TLK2: variants seen among roughly 807,000 people sequenced by gnomAD.
The protein encoded by TLK2 is tousled like kinase 2.
A neutral mutation model predicts 117.3 loss-of-function variants in TLK2; 6 were observed. That is an observed-to-expected ratio of 0.05 (90% CI 0.03 to 0.10). TLK2 has a LOEUF of 0.10. TLK2 is among the 10% of genes least tolerant of loss of function. The probability of loss-of-function intolerance (pLI) is 1.00; values close to 1 mark genes in which losing one functional copy is unlikely to be tolerated. For missense variants in TLK2, 299 were observed against 901.2 expected (o/e 0.33, Z 8.56); for synonymous variants, 257 against 316.7 (o/e 0.81, Z 2.00).
intron 5 of TLK2, among the ~76,000 whole-genome samples, chr17:62,523,439 G>A (rs1448480927): frequency 1.3e-5 from 2 of 152,178 alleles, no homozygotes; most frequent in Non-Finnish European, 2.9e-5. Flanking sequence ...AATTAGCCAG[G>A]TGTGGTGGCA....
intron 2 of TLK2, chr17:62,516,212 A>G (rs1405698216): frequency 3.0e-6 from 2 of 671,140 alleles, no homozygotes; most frequent in Admixed American, 2.3e-5. Context: ...GGCATGAGTC[A>G]CCGCGCCCGG....
intron 18 of TLK2, among the ~76,000 whole-genome samples, chr17:62,601,135 A>G (rs879505124): frequency 1.3e-5 from 2 of 152,188 alleles, no homozygotes; most frequent in Admixed American, 6.5e-5. Flanking sequence ...CTCCTACTAC[A>G]TAACAGTCCC....
At chr17:62,571,081 A>G (rs564576532) in intron 11 of TLK2, among the ~76,000 whole-genome samples, 1 of 152,292 alleles carries the variant, frequency 6.6e-6, no homozygotes, top group Non-Finnish European at 1.5e-5. Flanking sequence ...CAGTTAAGGT[A>G]AATGTTTTCT....
chr17:62,602,483 G>C (rs1469639597), intron 19 of TLK2, among the ~76,000 whole-genome samples: 1 of 152,120 alleles, frequency 6.6e-6, no homozygotes. Context: ...AGAGAACAAG[G>C]TTGCTCATGT....
At chr17:62,474,699 G>A (rs1348945410), upstream of TLK2, among the ~76,000 whole-genome samples, 1 of 151,896 alleles carries the variant, frequency 6.6e-6, no homozygotes, top group Non-Finnish European at 1.5e-5. Flanking sequence ...TTGAGCCACC[G>A]CGCCCGGCCT....
rs1312383134 is a variant in TLK2, at chr17:62,527,769, T to G, written c.363+3438T>G. Among the ~76,000 whole-genome samples the G allele has an allele frequency of 2.6e-5, 4 of 151,818 alleles. No individual in the cohort carries two copies. The East Asian group carries it at 7.8e-4, about 29-fold the overall frequency. On this transcript the variant is annotated intron_variant, in intron 6 of 21. Transcript: ENST00000346027. The stretch of plus-strand genomic sequence containing the variant: ...TAGATTTTTTTTTTTTGAGACGGAG[T>G]TTCGCTTTTGTTGCCCAGGCTGGAG...
chr17:62,505,966 T>A (rs2074653745), intron 2 of TLK2, among the ~76,000 whole-genome samples: 1 of 152,252 alleles, frequency 6.6e-6, no homozygotes, highest in Admixed American at 6.5e-5. Flanking sequence ...GTGCTGGGAT[T>A]ACAGGTGTGA....
chr17:62,602,638 G>A (rs1229498810), intron 19 of TLK2, among the ~76,000 whole-genome samples: 1 of 152,116 alleles, frequency 6.6e-6, no homozygotes, highest in Non-Finnish European at 1.5e-5. Flanking sequence ...CATAACTATA[G>A]CGCATATGAA....
chr17:62,473,910 T>G (rs991955378), upstream of TLK2, among the ~76,000 whole-genome samples: 31 of 152,100 alleles, frequency 2.0e-4, no homozygotes, highest in Non-Finnish European at 5.9e-5. Flanking sequence ...TTCTTTTCTT[T>G]TTTTTGAGAC....
At position 62,522,286 on chromosome 17, in the gene TLK2, T is replaced by C. The variant is rs1352372271; in HGVS notation, c.223+13T>C. On this transcript the variant is annotated intron_variant, in intron 4 of 21. Transcript: ENST00000346027. The stretch of plus-strand genomic sequence containing the variant: ...GAAACTAGCCAAGGTAGTAATAATT[T>C]CGTATCAACAAAAGTACTCAATTCT... The C allele has an allele frequency of 1.2e-6, 2 of 1,608,514 alleles. No homozygotes were observed. The highest frequency in any genetic ancestry group is 1.7e-6 in the Non-Finnish European group (2 of 1,177,910).
At chr17:62,511,586 T>A (rs1006871332) in intron 2 of TLK2, among the ~76,000 whole-genome samples, 2 of 152,150 alleles carry the variant, frequency 1.3e-5, no homozygotes, top group Non-Finnish European at 2.9e-5. Context: ...GCCAGGCTGG[T>A]CTTGAATTCC....
chr17:62,511,051 C>T (rs1485857178), intron 2 of TLK2, among the ~76,000 whole-genome samples: 1 of 152,210 alleles, frequency 6.6e-6, no homozygotes, highest in Non-Finnish European at 1.5e-5. Flanking sequence ...GTGCATCTCT[C>T]CTCATGTATA....
chr17:62,532,174 TTTGTTGTTG>T (rs892276656), intron 6 of TLK2, among the ~76,000 whole-genome samples: 1 of 152,100 alleles, frequency 6.6e-6, no homozygotes, highest in Admixed American at 6.6e-5. Flanking sequence ...TTAATGTTTT[TTTGTTGTTG>T]TTGTTGTTGT....
upstream of TLK2, among the ~76,000 whole-genome samples, chr17:62,478,309 C>T (rs1437011051): frequency 6.8e-6 from 1 of 146,328 alleles, no homozygotes; most frequent in African/African-American, 2.5e-5. Context: ...CCCAAACTCG[C>T]GGAGCCGAGG....
chr17:62,568,580 A>G (rs2079994487), intron 11 of TLK2, among the ~76,000 whole-genome samples: 1 of 152,054 alleles, frequency 6.6e-6, no homozygotes, highest in Non-Finnish European at 1.5e-5. Flanking sequence ...AAGTTCCAGT[A>G]TCCATTTCAT....
intron 2 of TLK2, among the ~76,000 whole-genome samples, chr17:62,496,654 G>A (rs2073719053): frequency 6.6e-6 from 1 of 151,884 alleles, no homozygotes; most frequent in Non-Finnish European, 1.5e-5. Context: ...GTTTTATTAC[G>A]TTCTTAAAAA....
intron 2 of TLK2, among the ~76,000 whole-genome samples, chr17:62,484,499 T>C (rs932634368): frequency 6.6e-6 from 1 of 151,398 alleles, no homozygotes; most frequent in African/African-American, 2.4e-5. Context: ...AGTTTCACCG[T>C]GTTGGCCAGG....
intron 10 of TLK2, among the ~76,000 whole-genome samples, chr17:62,560,833 T>A (rs1294619730): frequency 2.0e-5 from 3 of 152,108 alleles, no homozygotes; most frequent in Non-Finnish European, 4.4e-5. Context: ...TTTGTATTTT[T>A]TTTTTAATTA....
intron 6 of TLK2, among the ~76,000 whole-genome samples, chr17:62,524,638 T>A (rs956720535): frequency 8.5e-5 from 13 of 152,224 alleles, no homozygotes; most frequent in African/African-American, 3.1e-4. Flanking sequence ...ATTTGTATGT[T>A]CCTTTAGGGT....
Sources: allele counts gnomAD v4.1 joint callset (sites outside exome capture counted in the v4.1 genomes callset), GRCh38; gene constraint gnomAD v4.1.1; transcripts MANE v1.5; gene names NCBI Gene and HGNC (gene_info 2026-07-23, HGNC 2026-07-21).